The following DOCK4 variants were observed in gnomAD, a reference collection of about 807,000 sequenced individuals.
DOCK4 encodes the protein dedicator of cytokinesis protein 4.
In DOCK4, 97 loss-of-function variants were observed where a neutral mutation model predicts 268.1. The observed-to-expected ratio is 0.36, with a 90% CI of 0.31 to 0.43. DOCK4 has a LOEUF of 0.43. Ranked by LOEUF, DOCK4 falls within the 20% of genes least tolerant of loss-of-function variation. The probability of loss-of-function intolerance (pLI) is 1.00; values close to 1 mark genes in which losing one functional copy is unlikely to be tolerated. For synonymous variants in DOCK4, 954 were observed against 887.2 expected (o/e 1.08, Z -1.34); for missense variants, 2,145 against 2,455.7 (o/e 0.87, Z 2.67).
chr7:112,175,774 T>G (rs1818457634), intron 1 of DOCK4, among the ~76,000 whole-genome samples: 2 of 152,038 alleles, frequency 1.3e-5, no homozygotes, highest in Non-Finnish European at 2.9e-5. Flanking sequence ...AGATGAATAC[T>G]GCTAAAATGT....
At chr7:112,000,758 T>C (rs966979925) in intron 2 of DOCK4, among the ~76,000 whole-genome samples, 1 of 152,194 alleles carries the variant, frequency 6.6e-6, no homozygotes, top group Admixed American at 6.5e-5. Context: ...AAAATTTTTA[T>C]AAACAACAGA....
At position 111,844,339 on chromosome 7, in the gene DOCK4, C is replaced by G. The variant is rs1202145581; in HGVS notation, c.2736+424G>C. 3.3e-5 allele frequency among the ~76,000 whole-genome samples: 5 copies of G among 152,248 alleles called. 1 individual carries two copies. Among genetic ancestry groups the G allele is most frequent in the African/African-American group, 1.2e-4 (5 of 41,552 alleles). Reference sequence around the variant, plus strand: ...ATTTCCTAGCTAAGAAAACTGAGGCCTAGAAAAGTTACGATTCTGACTAGT... The same window carrying G: ...ATTTCCTAGCTAAGAAAACTGAGGCGTAGAAAAGTTACGATTCTGACTAGT... On this transcript the variant is annotated intron_variant, in intron 25 of 52. Transcript: ENST00000428084.
chr7:111,844,380 G>T (rs991501393), intron 25 of DOCK4, among the ~76,000 whole-genome samples: 1 of 152,092 alleles, frequency 6.6e-6, no homozygotes, highest in African/African-American at 2.4e-5. Flanking sequence ...TGAAAAATTT[G>T]GAATGAAAAC....
At chr7:112,201,374 A>C (rs1318395270) in intron 1 of DOCK4, among the ~76,000 whole-genome samples, 3 of 152,204 alleles carry the variant, frequency 2.0e-5, no homozygotes, top group African/African-American at 7.2e-5. Context: ...TTTAAATGAC[A>C]CTGTGACTTC....
intron 46 of DOCK4, 96 bp downstream of exon 46, chr7:111,741,444 C>A: frequency 1.3e-6 from 2 of 1,515,390 alleles, no homozygotes; most frequent in Non-Finnish European, 1.8e-6. Flanking sequence ...TAAGAAATAG[C>A]GTATTTGACA....
intron 26 of DOCK4, among the ~76,000 whole-genome samples, chr7:111,825,190 T>G (rs1802300040): frequency 6.6e-6 from 1 of 152,244 alleles, no homozygotes; most frequent in Non-Finnish European, 1.5e-5. Context: ...CTCCACATTT[T>G]TCTTACTTCT....
intron 1 of DOCK4, among the ~76,000 whole-genome samples, chr7:112,052,532 A>G (rs964635509): frequency 1.3e-5 from 2 of 152,144 alleles, no homozygotes; most frequent in Admixed American, 6.6e-5. Context: ...TTACAAAGTT[A>G]TGTTATTTCA....
intron 1 of DOCK4, among the ~76,000 whole-genome samples, chr7:112,119,513 G>A (rs778148401): frequency 9.2e-5 from 14 of 152,262 alleles, no homozygotes; most frequent in South Asian, 4.1e-4. Flanking sequence ...TGGCCCAAAC[G>A]TCTAACACTG....
intron 16 of DOCK4, among the ~76,000 whole-genome samples, chr7:111,883,183 G>A (rs1360492186): frequency 6.6e-6 from 1 of 152,106 alleles, no homozygotes; most frequent in Non-Finnish European, 1.5e-5. Flanking sequence ...CTTTCTTCAG[G>A]AAAAGTGTTT....
chr7:111,977,993 G>A (rs372463850), intron 7 of DOCK4, among the ~76,000 whole-genome samples: 4 of 152,188 alleles, frequency 2.6e-5, no homozygotes, highest in South Asian at 2.1e-4. Flanking sequence ...CAGGTTGAGG[G>A]AGAAAAAGAA....
At chr7:111,938,018 G>A (rs1562912664) in intron 11 of DOCK4, among the ~76,000 whole-genome samples, 1 of 152,262 alleles carries the variant, frequency 6.6e-6, no homozygotes, top group Admixed American at 6.5e-5. Context: ...AATAAACTAC[G>A]TTTTATGACC....
Position 111,749,064 on chromosome 7 carries a change from A to G in DOCK4, c.4417-1621T>C, listed in dbSNP as rs567319068. Among the ~76,000 whole-genome samples, 4 of 152,300 alleles carry G rather than the reference A, an allele frequency of 2.6e-5. No homozygotes were observed. In the East Asian group the frequency reaches 7.7e-4, roughly 29 times the overall value. On this transcript the variant is annotated intron_variant, in intron 42 of 52. Transcript: ENST00000428084. ...GGTGATACACTAAGCAAGGGAATGG[A>G]TACCATAGAAGTCAGGATAGTGACT...
chr7:112,133,159 A>T (rs1813965200), intron 1 of DOCK4, among the ~76,000 whole-genome samples: 1 of 152,138 alleles, frequency 6.6e-6, no homozygotes, highest in Non-Finnish European at 1.5e-5. Flanking sequence ...TAGTGTTTTG[A>T]GGAGAGGTGA....
At chr7:112,147,616 G>A (rs559621044) in intron 1 of DOCK4, among the ~76,000 whole-genome samples, 10 of 152,104 alleles carry the variant, frequency 6.6e-5, no homozygotes, top group Middle Eastern at 6.8e-3. Flanking sequence ...CCTGTGTTCA[G>A]TATAAAATCT....
intron 6 of DOCK4, among the ~76,000 whole-genome samples, chr7:111,988,089 A>G (rs577024837): frequency 3.3e-5 from 5 of 152,214 alleles, no homozygotes; most frequent in Non-Finnish European, 7.3e-5. Context: ...GTTTTTCCAC[A>G]TTCAGTAAGA....
At chr7:111,973,180 T>TATATATATATATATATATATATATAC (rs1330800991) in intron 8 of DOCK4, among the ~76,000 whole-genome samples, 1 of 145,432 alleles carries the variant, frequency 6.9e-6, no homozygotes, top group Admixed American at 6.8e-5. Context: ...TATATATATA[T>TATATATATATATATATATATATATAC]ATATATAATA....
intron 1 of DOCK4, among the ~76,000 whole-genome samples, chr7:112,182,165 C>A (rs1422932733): frequency 6.6e-6 from 1 of 152,118 alleles, no homozygotes; most frequent in Non-Finnish European, 1.5e-5. Context: ...ATTAACACTG[C>A]CTACCCCATA....
chr7:112,132,975 G>C (rs1395479200), intron 1 of DOCK4, among the ~76,000 whole-genome samples: 1 of 152,184 alleles, frequency 6.6e-6, no homozygotes, highest in Non-Finnish European at 1.5e-5. Context: ...GATGAATCCA[G>C]AGACTGGTAT....
intron 1 of DOCK4, among the ~76,000 whole-genome samples, chr7:112,151,375 C>CA (rs1226658283): frequency 1.3e-5 from 2 of 151,874 alleles, no homozygotes; most frequent in Non-Finnish European, 2.9e-5. Flanking sequence ...CAGCACCTAA[C>CA]AAAAAAATAC....
Sources: gnomAD v4.1 joint callset for allele counts (sites outside exome capture counted in the v4.1 genomes callset) on GRCh38, gnomAD v4.1.1 for gene constraint, MANE v1.5 for transcripts, NCBI Gene and HGNC (gene_info 2026-07-23, HGNC 2026-07-21) for gene names.